CNTN1: variants seen among roughly 807,000 people sequenced by gnomAD.
CNTN1 encodes the protein contactin 1, also known as contactin-1.
CNTN1 carries 38 observed loss-of-function variants against 126.4 expected under a neutral mutation model. The ratio of observed to expected loss-of-function variants is 0.30; its 90% CI spans 0.23 to 0.39. CNTN1 has a LOEUF of 0.39. Among genes scored for constraint, CNTN1 ranks in the 10% least tolerant of loss-of-function variants. The pLI, the probability that CNTN1 is intolerant of heterozygous loss-of-function variation, is 1.00. For missense variants in CNTN1, 1,009 were observed against 1,248.4 expected, an observed-to-expected ratio of 0.81 and a Z score of 2.89; for synonymous variants, 413 against 422.6, an observed-to-expected ratio of 0.98 and a Z score of 0.28.
chr12:40,750,854 A>G (rs1013683702), intron 1 of CNTN1, among the ~76,000 whole-genome samples: 2 of 152,064 alleles, frequency 1.3e-5, no homozygotes, highest in African/African-American at 4.8e-5. Flanking sequence ...CAGTCAGGAG[A>G]TGAAGTCTAG....
chr12:40,937,107 T>TTCTC (rs753079299), intron 10 of CNTN1, among the ~76,000 whole-genome samples: 1 of 151,572 alleles, frequency 6.6e-6, no homozygotes. Flanking sequence ...TTACTCTACC[T>TTCTC]TCTCTCTCTC....
At chr12:40,862,790 C>T (rs1943162371) in intron 1 of CNTN1, among the ~76,000 whole-genome samples, 1 of 152,132 alleles carries the variant, frequency 6.6e-6, no homozygotes, top group South Asian at 2.1e-4. Context: ...CTGAATTTGC[C>T]TTAATACCAA....
At chr12:40,882,317 A>C (rs970557834) in intron 1 of CNTN1, among the ~76,000 whole-genome samples, 2 of 151,812 alleles carry the variant, frequency 1.3e-5, no homozygotes, top group Non-Finnish European at 3.0e-5. Context: ...CATGGGTTAA[A>C]TATACCTCAT....
At chr12:40,804,983 G>A (rs1940791485) in intron 1 of CNTN1, among the ~76,000 whole-genome samples, 3 of 151,852 alleles carry the variant, frequency 2.0e-5, no homozygotes, top group African/African-American at 7.3e-5. Context: ...TCACTGCTGT[G>A]TCTTCTGGTG....
At chr12:40,747,243 G>A (rs903596783) in intron 1 of CNTN1, among the ~76,000 whole-genome samples, 2 of 150,884 alleles carry the variant, frequency 1.3e-5, no homozygotes, top group Non-Finnish European at 2.9e-5. Context: ...TTTCTATCTC[G>A]CTTTTTCAAA....
intron 15 of CNTN1, 87 bp from the exon 16 acceptor site, chr12:40,980,822 A>T: frequency 8.2e-7 from 1 of 1,223,396 alleles, no homozygotes; most frequent in Non-Finnish European, 1.2e-6. Context: ...TCTTTAGATT[A>T]ATGGTTAGAA....
At chr12:40,969,753 C>T (rs1947436057) in intron 15 of CNTN1, among the ~76,000 whole-genome samples, 1 of 152,174 alleles carries the variant, frequency 6.6e-6, no homozygotes, top group South Asian at 2.1e-4. Flanking sequence ...AACACCTTCA[C>T]CTAAAAGTGC....
chr12:40,898,273 A>C (rs1181823523), intron 1 of CNTN1, among the ~76,000 whole-genome samples: 1 of 152,188 alleles, frequency 6.6e-6, no homozygotes, highest in Non-Finnish European at 1.5e-5. Flanking sequence ...TACTTATGCT[A>C]CTGCTACAAT....
At chr12:40,962,933 A>G (rs1947156979) in intron 15 of CNTN1, among the ~76,000 whole-genome samples, 1 of 152,116 alleles carries the variant, frequency 6.6e-6, no homozygotes. Context: ...TATTTTTGCA[A>G]GAGTAACATT....
At chr12:41,063,187 A>T (rs1025451571) in intron 23 of CNTN1, among the ~76,000 whole-genome samples, 39 of 152,378 alleles carry the variant, frequency 2.6e-4, no homozygotes, top group Non-Finnish European at 5.0e-4. Flanking sequence ...GTTCACTGAA[A>T]GTGTTGTCTT....
intron 6 of CNTN1, among the ~76,000 whole-genome samples, chr12:40,925,415 G>C (rs1183301575): frequency 6.6e-6 from 1 of 150,860 alleles, no homozygotes; most frequent in African/African-American, 2.4e-5. Flanking sequence ...AACGTAACAG[G>C]CTTTTAAACT....
At chr12:40,839,925 A>C (rs963626644) in intron 1 of CNTN1, among the ~76,000 whole-genome samples, 12 of 152,172 alleles carry the variant, frequency 7.9e-5, no homozygotes, top group South Asian at 2.1e-4. Flanking sequence ...CAATAAGAGA[A>C]AAAGAAAAGG....
intron 16 of CNTN1, among the ~76,000 whole-genome samples, chr12:40,990,328 T>C (rs1255227030): frequency 1.3e-5 from 2 of 152,218 alleles, no homozygotes. Flanking sequence ...AGAATGTCCA[T>C]TCTGGAATTC....
At chr12:41,069,208 T>C (rs955054280) in intron 23 of CNTN1, among the ~76,000 whole-genome samples, 1 of 152,144 alleles carries the variant, frequency 6.6e-6, no homozygotes, top group Non-Finnish European at 1.5e-5. Context: ...TTATAATACA[T>C]CATTTCAATT....
intron 17 of CNTN1, among the ~76,000 whole-genome samples, chr12:41,003,672 G>C (rs937943277): frequency 6.6e-6 from 1 of 151,502 alleles, no homozygotes; most frequent in Non-Finnish European, 1.5e-5. Context: ...TCCTTGTTTA[G>C]TCTTGGGAGA....
At chr12:40,991,880 A>C (rs993564052) in intron 16 of CNTN1, among the ~76,000 whole-genome samples, 37 of 152,200 alleles carry the variant, frequency 2.4e-4, no homozygotes, top group Admixed American at 5.9e-4. Context: ...CAGCGTTATC[A>C]GTTATCACTT....
At chr12:40,863,929 T>TTCCTTCCTCCCC (rs1276184162) in intron 1 of CNTN1, among the ~76,000 whole-genome samples, 1 of 142,322 alleles carries the variant, frequency 7.0e-6, no homozygotes, top group African/African-American at 2.8e-5. Flanking sequence ...CCTTCCTTCC[T>TTCCTTCCTCCCC]CCCTCCCTCC....
intron 1 of CNTN1, among the ~76,000 whole-genome samples, chr12:40,786,349 C>G (rs1464698921): frequency 6.6e-6 from 1 of 152,160 alleles, no homozygotes; most frequent in Non-Finnish European, 1.5e-5. Context: ...TCACATCTCT[C>G]TCTAGCCCTT....
chr12:40,801,799 C>T (rs1455756747), intron 1 of CNTN1, among the ~76,000 whole-genome samples: 2 of 151,558 alleles, frequency 1.3e-5, no homozygotes, highest in Admixed American at 1.3e-4. Context: ...TGATGACATC[C>T]ACATTTTTAA....
Sources: allele counts gnomAD v4.1 joint callset (sites outside exome capture counted in the v4.1 genomes callset), GRCh38; gene constraint gnomAD v4.1.1; transcripts MANE v1.5; gene names NCBI Gene and HGNC (gene_info 2026-07-23, HGNC 2026-07-21).